GTSE1: variants seen among roughly 807,000 people sequenced by gnomAD.
The protein encoded by GTSE1 is G2 and S phase-expressed protein 1.
A neutral mutation model predicts 60.5 loss-of-function variants in GTSE1; 52 were observed. The observed-to-expected ratio is 0.86, with a 90% CI of 0.69 to 1.08. GTSE1 has a LOEUF of 1.08. Ranked by LOEUF, GTSE1 falls within the 50% of genes least tolerant of loss-of-function variation. The probability of loss-of-function intolerance (pLI) is 0.00; values close to 1 mark genes in which losing one functional copy is unlikely to be tolerated. For missense variants in GTSE1, 937 were observed against 961.8 expected (o/e 0.97, Z 0.34); for synonymous variants, 368 against 386.5 (o/e 0.95, Z 0.56).
chr22:46,300,914 T>C (rs1175409446), intron 2 of GTSE1, among the ~76,000 whole-genome samples: 1 of 152,216 alleles, frequency 6.6e-6, no homozygotes, highest in Non-Finnish European at 1.5e-5. Flanking sequence ...GGGCCATCGA[T>C]GTCATCAGTC....
rs1326434835 is a variant in GTSE1, at chr22:46,313,021, G to A, written c.927+716G>A. ...TCCATTAAAAAATAAAAATCAGCCAGGCATGGTGGTGCATGCCTGTGGTCC... is the reference window on the plus strand; with the variant it reads ...TCCATTAAAAAATAAAAATCAGCCAAGCATGGTGGTGCATGCCTGTGGTCC... On this transcript the variant is annotated intron_variant, in intron 5 of 11. Transcript: ENST00000454366. This position sits in a 1 kb window ranked among gnomAD's most constrained non-coding sequence, Gnocchi z 4.4. Among the ~76,000 whole-genome samples the A allele has an allele frequency of 6.6e-6, 1 of 151,692 alleles. No individual in the cohort carries two copies. The highest frequency in any genetic ancestry group is 1.5e-5 in the Non-Finnish European group (1 of 67,946).
intron 2 of GTSE1, among the ~76,000 whole-genome samples, chr22:46,307,817 A>C (rs1461725640): frequency 1.3e-5 from 2 of 151,934 alleles, no homozygotes; most frequent in Non-Finnish European, 1.5e-5. Context: ...TGCAATTAAA[A>C]AAAAAAAAAA....
At position 46,304,385 on chromosome 22, in the gene GTSE1, C is replaced by T. The variant is rs143186161; in HGVS notation, c.80-3765C>T. On this transcript the variant is annotated intron_variant, in intron 2 of 11. Coordinates refer to ENST00000454366, the MANE Select transcript of GTSE1 (RefSeq NM_016426.7). This position sits in a 1 kb window ranked among gnomAD's most constrained non-coding sequence, Gnocchi z 4.4. The stretch of plus-strand genomic sequence containing the variant: ...CTGTCTTTAGAAGGAATACTTCTGA[C>T]GTTATCCCACTGAACCTAATGCTGG... 2.6e-5 allele frequency among the ~76,000 whole-genome samples: 4 copies of T among 152,272 alleles called. No homozygotes were observed. Among genetic ancestry groups the T allele is most frequent in the East Asian group, 1.9e-4 (1 of 5,192 alleles).
intron 5 of GTSE1, among the ~76,000 whole-genome samples, chr22:46,312,638 CAAAAA>C (rs60392526): frequency 6.7e-5 from 4 of 59,768 alleles, no homozygotes; most frequent in Non-Finnish European, 1.2e-4. Context: ...GACCCTGTCT[CAAAAA>C]AAAAAAAAAA....
At position 46,313,917 on chromosome 22, in the gene GTSE1, G is replaced by A; in HGVS notation, c.955G>A (p.Ala319Thr). 1 of 1,614,182 alleles carries A rather than the reference G, an allele frequency of 6.2e-7. No homozygotes were observed. Among genetic ancestry groups the A allele is most frequent in the Non-Finnish European group, 8.5e-7 (1 of 1,180,002 alleles). The part of the protein sequence containing the change: ...KLGLKKTLLK[A>T]PGSTSNLARK... ...GGGGCTGAAGAAGACCCTGTTAAAA[G>A]CACCCGGCTCTACCAGCAATCTCGC... Residue 319 changes from alanine to threonine, a missense_variant, in exon 6 of 12, where the codon GCA becomes ACA. Transcript: ENST00000454366. The surrounding 1 kb of genome is among the most constrained non-coding windows in gnomAD (Gnocchi z 4.4).
At chr22:46,302,493 G>GCCT (rs146667921) in intron 2 of GTSE1, among the ~76,000 whole-genome samples, 19,363 of 151,972 alleles carry the variant, frequency 0.13, 1,474 homozygotes, top group African/African-American at 0.21. Flanking sequence ...TCCTTCCTAA[G>GCCT]CCTCCCTGGT....
Position 46,308,594 on chromosome 22 carries a change from T to C in GTSE1, c.413T>C (p.Ile138Thr), listed in dbSNP as rs1363409147. 1 of 1,613,998 alleles carries C rather than the reference T, an allele frequency of 6.2e-7. No individual in the cohort carries two copies. Among genetic ancestry groups the C allele is most frequent in the Non-Finnish European group, 8.5e-7 (1 of 1,180,024 alleles). ...DPRSQGVERF[I>T]QESKLKINLF... ...CGGAGCCAGGGCGTGGAAAGATTCA[T>C]ACAGGAGTCAAAATTAAAAATAAAC... The change falls in exon 4 of 12, where the codon ATA becomes ACA. Residue 138 changes from isoleucine (I) to threonine (T), a missense_variant. Coordinates refer to ENST00000454366, the MANE Select transcript of GTSE1 (RefSeq NM_016426.7).
At chr22:46,325,166 TA>T (rs1273363458) in intron 8 of GTSE1, among the ~76,000 whole-genome samples, 1 of 152,152 alleles carries the variant, frequency 6.6e-6, no homozygotes, top group Non-Finnish European at 1.5e-5. Flanking sequence ...CTCACTGGGT[TA>T]GGGGTGAACA....
intron 7 of GTSE1, among the ~76,000 whole-genome samples, chr22:46,322,877 G>A (rs1351319100): frequency 1.3e-5 from 2 of 152,196 alleles, no homozygotes; most frequent in Admixed American, 1.3e-4. Context: ...TGTGAAGGTC[G>A]TGCTCGGCCC....
At chr22:46,306,283 G>A (rs567873667) in intron 2 of GTSE1, among the ~76,000 whole-genome samples, 69 of 151,958 alleles carry the variant, frequency 4.5e-4, no homozygotes, top group Non-Finnish European at 8.4e-4. Flanking sequence ...CCAGGTTCAC[G>A]CCATTCTCCT....
chr22:46,308,020 T>C, intron 2 of GTSE1, 130 bp from the exon 3 acceptor site: 1 of 677,502 alleles, frequency 1.5e-6, no homozygotes, highest in South Asian at 1.8e-5. Context: ...TAAATTAGCA[T>C]CATGACAGGA....
At position 46,316,295 on chromosome 22, in the gene GTSE1, G is replaced by C; in HGVS notation, c.1315G>C (p.Glu439Gln). Residue 439 changes from glutamate to glutamine, a missense_variant, in exon 7 of 12, where the codon GAA (glutamate) becomes CAA (glutamine). Physicochemically the swap from Glu to Gln is conservative, Grantham distance 29. Coordinates refer to ENST00000454366, the MANE Select transcript of GTSE1 (RefSeq NM_016426.7). This position sits in a 1 kb window ranked among gnomAD's most constrained non-coding sequence, Gnocchi z 5.0. Reference sequence around the variant, plus strand: ...GCTGAACTCCAGTTGCGCTTGGTCAGAATCTTCTCAATTGAATAAGACTAG... The same window carrying C: ...GCTGAACTCCAGTTGCGCTTGGTCACAATCTTCTCAATTGAATAAGACTAG... ...QWLNSSCAWS[E>Q]SSQLNKTRSI... 1 of 1,614,072 alleles carries C rather than the reference G, an allele frequency of 6.2e-7. No homozygotes were observed. The highest frequency in any genetic ancestry group is 8.5e-7 in the Non-Finnish European group (1 of 1,180,014).
Position 46,329,966 on chromosome 22 carries a change from G to A in GTSE1, c.2137-81G>A, listed in dbSNP as rs1256331350. On this transcript the variant is annotated intron_variant, in intron 11 of 11. Transcript: ENST00000454366. The surrounding 1 kb of genome is among the most constrained non-coding windows in gnomAD (Gnocchi z 6.4). ...TGAGCGAGTGGCTGTGATGACCCAC[G>A]CAGCCAGTCCTCTGTGCAGGGAGGG... is the stretch of plus-strand genomic sequence containing the variant. 1.0e-5 allele frequency: 9 copies of A among 858,090 alleles called. No homozygotes were observed. In the East Asian group the frequency reaches 1.5e-4, roughly 14 times the overall value. 53.2% of individuals were successfully genotyped at this position (858,090 alleles called of 1,614,324 possible).
rs1205598301 is a variant in GTSE1 at position 46,317,947 on chromosome 22, C to T, written c.1432+1535C>T. 2.0e-5 allele frequency among the ~76,000 whole-genome samples: 3 copies of T among 152,346 alleles called. No individual in the cohort carries two copies. Among genetic ancestry groups the T allele is most frequent in the South Asian group, 2.1e-4 (1 of 4,830 alleles). ...TTCTCTTGACCTTGAGGACTCCTGC[C>T]CTGCACCTGTGCACTGCCTGGTGCT... is the stretch of plus-strand genomic sequence containing the variant. On this transcript the variant is annotated intron_variant, in intron 7 of 11. Coordinates refer to ENST00000454366, the MANE Select transcript of GTSE1 (RefSeq NM_016426.7). The surrounding 1 kb of genome is among the most constrained non-coding windows in gnomAD (Gnocchi z 5.6).
In GTSE1 at chr22:46,297,377, C is replaced by T; in HGVS notation, c.-21-3C>T. 3 of 1,565,230 alleles carry T rather than the reference C, an allele frequency of 1.9e-6. No homozygotes were observed. Among genetic ancestry groups the T allele is most frequent in the Middle Eastern group, 1.7e-4 (1 of 5,952 alleles). Reference sequence around the variant, plus strand: ...CACTTTCTGGCCCCGTTCCACCCTGCAGTGACTTCTGACAGCTCTCTCCAT... The same window carrying T: ...CACTTTCTGGCCCCGTTCCACCCTGTAGTGACTTCTGACAGCTCTCTCCAT... On this transcript the variant is annotated splice_polypyrimidine_tract_variant and splice_region_variant and intron_variant, in intron 1 of 11. Coordinates refer to ENST00000454366, the MANE Select transcript of GTSE1 (RefSeq NM_016426.7). The surrounding 1 kb of genome is among the most constrained non-coding windows in gnomAD (Gnocchi z 4.9).
rs1466428979 is a variant in GTSE1, at chr22:46,319,243, G to A, written c.1432+2831G>A. ...GGACCCTGGAGTACCGTCAGTGCAGGAGGACGTGCATAGGAGAGATCAGAG... is the reference window on the plus strand; with the variant it reads ...GGACCCTGGAGTACCGTCAGTGCAGAAGGACGTGCATAGGAGAGATCAGAG... On this transcript the variant is annotated intron_variant, in intron 7 of 11. Coordinates refer to ENST00000454366, the MANE Select transcript of GTSE1 (RefSeq NM_016426.7). This position sits in a 1 kb window ranked among gnomAD's most constrained non-coding sequence, Gnocchi z 5.0. Among the ~76,000 whole-genome samples, 3 of 152,184 alleles carry A rather than the reference G, an allele frequency of 2.0e-5. No individual in the cohort carries two copies. The highest frequency in any genetic ancestry group is 4.4e-5 in the Non-Finnish European group (3 of 68,034).
At chr22:46,315,326 G>A (rs555827643) in intron 6 of GTSE1, among the ~76,000 whole-genome samples, 40 of 152,304 alleles carry the variant, frequency 2.6e-4, no homozygotes, top group African/African-American at 4.3e-4. Flanking sequence ...CAAAGTGCTA[G>A]GATTACAGGC....
intron 8 of GTSE1, 104 bp downstream of exon 8, chr22:46,323,366 G>C: frequency 1.1e-6 from 1 of 869,570 alleles, no homozygotes; most frequent in Non-Finnish European, 1.9e-6. Context: ...TGCGCATCTG[G>C]CTTCCACGCC....
rs2077865501 is a variant in GTSE1, at chr22:46,329,767, T to C, written c.2136+200T>C. 6.6e-6 allele frequency among the ~76,000 whole-genome samples: 1 copy of C among 152,202 alleles called. No individual in the cohort carries two copies. Among genetic ancestry groups the C allele is most frequent in the Non-Finnish European group, 1.5e-5 (1 of 68,032 alleles). ...CCTCTGAGGTGCCCTGCCAGGACCC[T>C]GCCAGCTCTTGTTGGACAGGGACCG... On this transcript the variant is annotated intron_variant, in intron 11 of 11. Coordinates refer to ENST00000454366, the MANE Select transcript of GTSE1 (RefSeq NM_016426.7). The surrounding 1 kb of genome is among the most constrained non-coding windows in gnomAD (Gnocchi z 6.4).
Sources: allele counts gnomAD v4.1 joint callset (sites outside exome capture counted in the v4.1 genomes callset), GRCh38; gene constraint gnomAD v4.1.1; non-coding constraint Gnocchi (gnomAD v3.1); transcripts MANE v1.5; gene names NCBI Gene and HGNC (gene_info 2026-07-23, HGNC 2026-07-21).